RTF1: variants seen among roughly 807,000 people sequenced by gnomAD.
The protein encoded by RTF1 is RNA polymerase-associated protein RTF1 homolog.
A neutral mutation model predicts 95.7 loss-of-function variants in RTF1; 10 were observed. The observed-to-expected ratio is 0.10, with a 90% CI of 0.06 to 0.18. The LOEUF (loss-of-function observed/expected upper bound fraction) is 0.18, where lower values mean the gene tolerates loss of function less well. Ranked by LOEUF, RTF1 falls within the 10% of genes least tolerant of loss-of-function variation. The pLI is 1.00. For missense variants in RTF1, 458 were observed against 875.6 expected, an observed-to-expected ratio of 0.52 and a Z score of 6.02; for synonymous variants, 305 against 311.8, an observed-to-expected ratio of 0.98 and a Z score of 0.23.
intron 1 of RTF1, among the ~76,000 whole-genome samples, chr15:41,425,465 G>A (rs1169639920): frequency 6.6e-6 from 1 of 152,126 alleles, no homozygotes; most frequent in Non-Finnish European, 1.5e-5. Flanking sequence ...GGAAGCCATT[G>A]AAGGATTTTA....
intron 8 of RTF1, among the ~76,000 whole-genome samples, chr15:41,473,714 C>G (rs141981659): frequency 2.6e-3 from 401 of 152,168 alleles, no homozygotes; most frequent in Non-Finnish European, 4.6e-3. Flanking sequence ...AGGTGCACAC[C>G]ACTATGCCCA....
rs778939470 is a variant in RTF1, at chr15:41,480,242, C to G, written c.1943C>G (p.Ser648Cys). 1.2e-6 allele frequency: 2 copies of G among 1,613,272 alleles called. No homozygotes were observed. The highest frequency in any genetic ancestry group is 2.7e-5 in the African/African-American group (2 of 74,928). ...KGQGKDKDLN[S>C]KSASDLSEDL... ...CAAGGCAAAGATAAAGATTTGAATT[C>G]TAAGTCAGCCAGTGACCTCTCAGAA... The change falls in exon 17 of 18, where the codon TCT becomes TGT. Residue 648 changes from serine (S) to cysteine (C), a missense_variant. By Grantham distance (112) the Ser-to-Cys change is moderately radical (BLOSUM62 -1). Around this residue, in one of 11 missense-constraint regions of RTF1, gnomAD observed 50 missense variants for 100.0 expected, o/e 0.50. Transcript: ENST00000389629.
At chr15:41,434,525 G>C (rs2050692069) in intron 1 of RTF1, among the ~76,000 whole-genome samples, 1 of 152,090 alleles carries the variant, frequency 6.6e-6, no homozygotes, top group Non-Finnish European at 1.5e-5. Context: ...TGGGAGAAGG[G>C]ATGTATAAAG....
At chr15:41,469,732 C>T (rs2050900057) in intron 6 of RTF1, among the ~76,000 whole-genome samples, 1 of 152,106 alleles carries the variant, frequency 6.6e-6, no homozygotes, top group South Asian at 2.1e-4. Flanking sequence ...ACCATGTTGA[C>T]CAAGCTGGTC....
chr15:41,439,683 C>A (rs2050722949), intron 2 of RTF1, among the ~76,000 whole-genome samples: 1 of 152,198 alleles, frequency 6.6e-6, no homozygotes, highest in Non-Finnish European at 1.5e-5. Context: ...TGGAGTCTCA[C>A]TCTTATCGCC....
At chr15:41,439,801 A>G (rs1039066172) in intron 2 of RTF1, among the ~76,000 whole-genome samples, 5 of 151,818 alleles carry the variant, frequency 3.3e-5, no homozygotes, top group Admixed American at 1.3e-4. Flanking sequence ...ACAAGCACGC[A>G]CCACAGTGCC....
chr15:41,451,148 A>G (rs2050787761), intron 2 of RTF1, among the ~76,000 whole-genome samples: 1 of 152,152 alleles, frequency 6.6e-6, no homozygotes, highest in African/African-American at 2.4e-5. Flanking sequence ...CTATTGTGAA[A>G]TAGGAGGTTA....
Position 41,476,507 on chromosome 15 carries a change from A to G in RTF1, c.1544A>G (p.Gln515Arg). ...CCCAACTACGCTATGAAGAAGACTC[A>G]GCTACTGAAGGAAAAGGTAAGGAGT... ...APPNYAMKKT[Q>R]LLKEKAMAED... The change falls in exon 12 of 18, where the codon CAG becomes CGG. Residue 515 changes from glutamine to arginine, a missense_variant. Gln to Arg is a conservative substitution (Grantham distance 43). This residue lies in a region of RTF1 where 150 missense variants were observed against 275.7 expected (regional missense o/e 0.54). Transcript: ENST00000389629. The G allele has an allele frequency of 1.2e-6, 2 of 1,613,356 alleles. No homozygotes were observed. The highest frequency in any genetic ancestry group is 1.7e-6 in the Non-Finnish European group (2 of 1,179,344).
At chr15:41,449,248 T>TTTGG (rs2050778441) in intron 2 of RTF1, among the ~76,000 whole-genome samples, 1 of 148,182 alleles carries the variant, frequency 6.7e-6, no homozygotes, top group Admixed American at 6.8e-5. Context: ...TTTTTTTTTT[T>TTTGG]GAGACAGAGT....
rs766371896 is a variant in RTF1, at chr15:41,477,155, CTA to C, written c.1561-8_1561-7del. On this transcript the variant is annotated splice_region_variant and splice_polypyrimidine_tract_variant and intron_variant, in intron 12 of 17. Transcript: ENST00000389629. ...GCCAAGAACGAACTCACACATCTCT[CTA>C]TGTGTAGGCCATGGCTGAGGACCTG... The C allele has an allele frequency of 3.7e-6, 6 of 1,614,152 alleles. No individual in the cohort carries two copies. The highest frequency in any genetic ancestry group is 1.1e-5 in the South Asian group (1 of 91,068).
In RTF1 at chr15:41,432,044, C is replaced by T. The variant is rs555165120; in HGVS notation, c.199-6277C>T. ...TTGAACTCCTGACCTTGTGATCCGC[C>T]CACCTCGGCCTTCCAAAATGCTGGG... On this transcript the variant is annotated intron_variant, in intron 1 of 17. Transcript: ENST00000389629. 2.0e-5 allele frequency among the ~76,000 whole-genome samples: 3 copies of T among 151,790 alleles called. 1 individual carries two copies. Among genetic ancestry groups the T allele is most frequent in the Non-Finnish European group, 4.4e-5 (3 of 67,976 alleles).
Position 41,438,378 on chromosome 15 carries a change from G to T in RTF1, c.256G>T (p.Val86Leu), listed in dbSNP as rs955863127. The change falls in exon 2 of 18, where the codon GTG (valine) becomes TTG (leucine). Residue 86 changes from valine to leucine, a missense_variant. This residue lies in a region of RTF1 where 44 missense variants were observed against 99.5 expected (regional missense o/e 0.44). Transcript: ENST00000389629. The stretch of plus-strand genomic sequence containing the variant: ...TGACTCTGAGGAGAAGGAGCCGCCT[G>T]TGAGTCAGCCTGCAGCCTCGTCAGA... Reference protein sequence around the residue: ...RSDSEEKEPPVSQPAASSDSE... With the variant: ...RSDSEEKEPPLSQPAASSDSE... The T allele has an allele frequency of 6.4e-7, 1 of 1,551,274 alleles. No individual in the cohort carries two copies. The highest frequency in any genetic ancestry group is 8.7e-7 in the Non-Finnish European group (1 of 1,146,754).
chr15:41,456,869 A>G (rs1293343274), intron 3 of RTF1, among the ~76,000 whole-genome samples: 1 of 151,358 alleles, frequency 6.6e-6, no homozygotes, highest in Non-Finnish European at 1.5e-5. Context: ...GCGGATCACG[A>G]GGTTGAGAGA....
At chr15:41,417,337 G>C (rs1175246045) in intron 1 of RTF1, 24 bp downstream of exon 1, 1 of 1,245,852 alleles carries the variant, frequency 8.0e-7, no homozygotes, top group African/African-American at 1.6e-5. Context: ...GCGGAGGCGC[G>C]GGCCGGCGGA....
At position 41,475,525 on chromosome 15, in the gene RTF1, G is replaced by A. The variant is rs1367803528; in HGVS notation, c.1287G>A (p.Arg429=). Residue 429 remains arginine, a splice_region_variant and synonymous_variant, in exon 10 of 18, where the codon CGG becomes CGA. Transcript: ENST00000389629. ...GAGATGCTGTCTCTCTTTTATGTAG[G>A]CATGGCAATGACCAACGCGTGTTCC... ...GTRTNKGLQL[R]HGNDQRVFRL... 1 of 1,613,422 alleles carries A rather than the reference G, an allele frequency of 6.2e-7. No individual in the cohort carries two copies. Among genetic ancestry groups the A allele is most frequent in the East Asian group, 2.2e-5 (1 of 44,884 alleles).
intron 3 of RTF1, among the ~76,000 whole-genome samples, chr15:41,454,087 T>A (rs888450780): frequency 2.0e-5 from 3 of 152,156 alleles, no homozygotes; most frequent in African/African-American, 7.2e-5. Flanking sequence ...TGTGTTTTTT[T>A]ATTTTTTATT....
At chr15:41,422,153 G>A (rs1343824640) in intron 1 of RTF1, among the ~76,000 whole-genome samples, 2 of 152,070 alleles carry the variant, frequency 1.3e-5, no homozygotes, top group Non-Finnish European at 2.9e-5. Context: ...TCCTGCCTCA[G>A]CCTCCTGGGT....
At chr15:41,469,950 T>C (rs896708801) in intron 6 of RTF1, among the ~76,000 whole-genome samples, 2 of 152,158 alleles carry the variant, frequency 1.3e-5, no homozygotes, top group Non-Finnish European at 2.9e-5. Context: ...TCCCCCTCTT[T>C]CCTCCCCATA....
intron 1 of RTF1, among the ~76,000 whole-genome samples, chr15:41,423,717 T>G (rs183547110): frequency 6.6e-6 from 1 of 152,134 alleles, no homozygotes; most frequent in East Asian, 1.9e-4. Flanking sequence ...AAACTGATCT[T>G]CAGACACAGG....
Sources: allele counts gnomAD v4.1 joint callset (sites outside exome capture counted in the v4.1 genomes callset), GRCh38; gene constraint gnomAD v4.1.1; regional missense constraint gnomAD v4.1.1; transcripts MANE v1.5; gene names NCBI Gene and HGNC (gene_info 2026-07-23, HGNC 2026-07-21).